The following IGSF23 variants were observed in gnomAD, a reference collection of about 807,000 sequenced individuals.
IGSF23 encodes the protein immunoglobulin superfamily member 23.
In IGSF23, 14 loss-of-function variants were observed where a neutral mutation model predicts 17.8. That is an observed-to-expected ratio of 0.79 (90% CI 0.52 to 1.23). The LOEUF (loss-of-function observed/expected upper bound fraction) is 1.23. Ranked by LOEUF, IGSF23 falls within the 50% of genes most tolerant of loss-of-function variation. The pLI, the probability that IGSF23 is intolerant of heterozygous loss-of-function variation, is 0.00. For synonymous variants in IGSF23, 85 were observed against 92.5 expected (o/e 0.92, Z 0.46); for missense variants, 214 against 241.7 (o/e 0.89, Z 0.76).
rs1379804193 is a variant in IGSF23, at chr19:44,627,528, G to C, written c.500G>C (p.Gly167Ala). The C allele has an allele frequency of 6.5e-7, 1 of 1,550,386 alleles. No individual in the cohort carries two copies. The highest frequency in any genetic ancestry group is 1.4e-5 in the African/African-American group (1 of 73,032). The change falls in exon 3 of 5, where the codon GGG (glycine) becomes GCG (alanine). Residue 167 changes from glycine to alanine, a missense_variant. By Grantham distance (60) the Gly-to-Ala change is moderately conservative. Coordinates refer to ENST00000402988, the MANE Select transcript of IGSF23 (RefSeq NM_001205280.2). ...CTTGCGGCTGGGATCCTGGGAGCCGGGGCACTGATTGCAGGCATGTGTTTC... is the reference window on the plus strand; with the variant it reads ...CTTGCGGCTGGGATCCTGGGAGCCGCGGCACTGATTGCAGGCATGTGTTTC... ...GLLAAGILGA[G>A]ALIAGMCFII...
At chr19:44,622,717 G>GC (rs1972548279) in intron 1 of IGSF23, among the ~76,000 whole-genome samples, 1 of 152,150 alleles carries the variant, frequency 6.6e-6, no homozygotes, top group Admixed American at 6.5e-5. Flanking sequence ...GGAAACCCCA[G>GC]CATGATCTGC....
chr19:44,613,854 G>T, intron 1 of IGSF23, 84 bp downstream of exon 1: 1 of 1,547,568 alleles, frequency 6.5e-7, no homozygotes, highest in East Asian at 2.4e-5. Flanking sequence ...CTGCAGACGC[G>T]ACTGTACAGG....
At chr19:44,631,214 C>T (rs1465924120) in intron 3 of IGSF23, among the ~76,000 whole-genome samples, 2 of 152,066 alleles carry the variant, frequency 1.3e-5, no homozygotes, top group African/African-American at 4.8e-5. Flanking sequence ...TGGCAGTGAG[C>T]CATTATTGCT....
At chr19:44,618,274 C>T (rs916295199) in intron 1 of IGSF23, 10 of 447,776 alleles carry the variant, frequency 2.2e-5, no homozygotes, top group African/African-American at 2.0e-4. Flanking sequence ...CTCCCAGGAC[C>T]TGCTCACACT....
At chr19:44,621,439 G>A (rs191499710) in intron 1 of IGSF23, among the ~76,000 whole-genome samples, 4 of 150,018 alleles carry the variant, frequency 2.7e-5, no homozygotes, top group African/African-American at 7.3e-5. Flanking sequence ...ACTTGAGCCC[G>A]GGAGTTCAAG....
chr19:44,624,243 T>C (rs1055927922), intron 2 of IGSF23, among the ~76,000 whole-genome samples: 1 of 150,890 alleles, frequency 6.6e-6, no homozygotes, highest in African/African-American at 2.4e-5. Context: ...TCCTCCTCCT[T>C]CTTCTTCCTT....
At chr19:44,613,840 G>A (rs1372776438) in intron 1 of IGSF23, 70 bp downstream of exon 1, 6 of 1,546,766 alleles carry the variant, frequency 3.9e-6, no homozygotes, top group Non-Finnish European at 5.2e-6. Flanking sequence ...GGGTGAGGCC[G>A]GGGCTGCAGA....
At chr19:44,635,376 G>GTC (rs375878000) in intron 3 of IGSF23, 25 bp from the exon 4 acceptor site, 150 of 1,059,046 alleles carry the variant, frequency 1.4e-4, no homozygotes, top group Admixed American at 3.8e-4. Flanking sequence ...CTCTCTCTCT[G>GTC]TCTCTCTCTC....
intron 1 of IGSF23, among the ~76,000 whole-genome samples, chr19:44,619,992 C>T (rs1972476482): frequency 6.6e-6 from 1 of 152,284 alleles, no homozygotes. Context: ...CAGTGTCGGC[C>T]AGGCGCAGTG....
intron 3 of IGSF23, 130 bp downstream of exon 3, chr19:44,627,703 G>A (rs1403869758): frequency 3.8e-6 from 4 of 1,047,638 alleles, no homozygotes; most frequent in African/African-American, 1.6e-5. Context: ...CGACTCCTGA[G>A]GAGCCCATCT....
At chr19:44,621,432 T>C (rs1043957935) in intron 1 of IGSF23, among the ~76,000 whole-genome samples, 1 of 152,018 alleles carries the variant, frequency 6.6e-6, no homozygotes, top group African/African-American at 2.4e-5. Flanking sequence ...GTGGATCACT[T>C]GAGCCCGGGA....
chr19:44,624,804 G>A (rs1198305684), intron 2 of IGSF23, among the ~76,000 whole-genome samples: 1 of 147,518 alleles, frequency 6.8e-6, no homozygotes, highest in Non-Finnish European at 1.5e-5. Context: ...GCTCACACCT[G>A]TAACCCCAGC....
At chr19:44,621,282 CAA>C (rs34896514) in intron 1 of IGSF23, among the ~76,000 whole-genome samples, 24,737 of 123,098 alleles carry the variant, frequency 0.2, 2,194 homozygotes, top group Middle Eastern at 0.34. Context: ...GACCCTGTCT[CAA>C]AAAAAAAAAA....
At chr19:44,633,379 G>T (rs1444691081) in intron 3 of IGSF23, among the ~76,000 whole-genome samples, 1 of 152,194 alleles carries the variant, frequency 6.6e-6, no homozygotes, top group African/African-American at 2.4e-5. Flanking sequence ...TTCAAACCTT[G>T]CAAATTTTTT....
chr19:44,629,629 TTTC>T (rs1972724375), intron 3 of IGSF23, among the ~76,000 whole-genome samples: 1 of 126,622 alleles, frequency 7.9e-6, no homozygotes, highest in South Asian at 2.9e-4. Flanking sequence ...TATTATATGC[TTTC>T]TTTTTTTTTT....
intron 1 of IGSF23, among the ~76,000 whole-genome samples, chr19:44,615,352 G>C (rs1162099914): frequency 3.3e-5 from 5 of 151,676 alleles, no homozygotes. Context: ...CAGTGGCTGG[G>C]ATTACAAAGT....
intron 2 of IGSF23, 92 bp downstream of exon 2, chr19:44,624,064 T>C (rs989724772): frequency 1.8e-6 from 2 of 1,114,570 alleles, no homozygotes; most frequent in Non-Finnish European, 2.5e-6. Flanking sequence ...TTAAGCCACC[T>C]ACTATGAGCA....
intron 1 of IGSF23, among the ~76,000 whole-genome samples, chr19:44,621,138 C>T (rs944893237): frequency 6.6e-6 from 1 of 150,634 alleles, no homozygotes; most frequent in African/African-American, 2.4e-5. Flanking sequence ...TAAAAATTAG[C>T]CAAGCCTGGT....
chr19:44,615,335 A>G (rs962518500), intron 1 of IGSF23, among the ~76,000 whole-genome samples: 6 of 151,274 alleles, frequency 4.0e-5, no homozygotes, highest in African/African-American at 1.5e-4. Flanking sequence ...GCAGTGGCTC[A>G]CGGGTGCAGT....
Sources: allele counts gnomAD v4.1 joint callset (sites outside exome capture counted in the v4.1 genomes callset), GRCh38; gene constraint gnomAD v4.1.1; transcripts MANE v1.5; gene names NCBI Gene and HGNC (gene_info 2026-07-23, HGNC 2026-07-21).